ICOS: variants seen among roughly 807,000 people sequenced by gnomAD.
ICOS encodes inducible T cell costimulator, also known as inducible T-cell costimulator.
Under a neutral mutation model 24.6 loss-of-function variants are expected in ICOS, and 15 were observed. The observed-to-expected ratio is 0.61, with a 90% CI of 0.41 to 0.94. The LOEUF is 0.94. Among genes scored for constraint, ICOS ranks in the 40% least tolerant of loss-of-function variants. The pLI, the probability that ICOS is intolerant of heterozygous loss-of-function variation, is 0.00. For missense variants in ICOS, 200 were observed against 233.0 expected (o/e 0.86, Z 0.92); for synonymous variants, 89 against 77.5 (o/e 1.15, Z -0.78).
intron 1 of ICOS, among the ~76,000 whole-genome samples, chr2:203,949,614 A>G (rs1315289413): frequency 6.6e-6 from 1 of 152,234 alleles, no homozygotes; most frequent in Admixed American, 6.5e-5. Context: ...GTATGTTAGG[A>G]AGCATGAGGA....
At chr2:203,943,808 G>A (rs1422167314) in intron 1 of ICOS, among the ~76,000 whole-genome samples, 2 of 152,122 alleles carry the variant, frequency 1.3e-5, no homozygotes, top group Non-Finnish European at 2.9e-5. Flanking sequence ...CCTTGGGCAG[G>A]TCTTGCTGTG....
intron 1 of ICOS, among the ~76,000 whole-genome samples, chr2:203,937,632 GA>G (rs1216360723): frequency 6.6e-6 from 1 of 151,796 alleles, no homozygotes; most frequent in East Asian, 1.9e-4. Context: ...TCTTGAGGTT[GA>G]AAAAAGGAAA....
At chr2:203,942,856 T>C (rs1689802474) in intron 1 of ICOS, among the ~76,000 whole-genome samples, 1 of 152,228 alleles carries the variant, frequency 6.6e-6, no homozygotes, top group Admixed American at 6.5e-5. Context: ...TATCTTATTC[T>C]TTTTTCTTTG....
intron 1 of ICOS, among the ~76,000 whole-genome samples, chr2:203,947,246 A>T (rs1039327669): frequency 6.6e-6 from 1 of 152,154 alleles, no homozygotes; most frequent in Non-Finnish European, 1.5e-5. Flanking sequence ...CTTAATATAA[A>T]GATTTTTATT....
At position 203,959,626 on chromosome 2, in the gene ICOS, A is replaced by G. The variant is rs1168516328; in HGVS notation, c.*27A>G. 1.9e-6 allele frequency: 3 copies of G among 1,611,616 alleles called. No homozygotes were observed. In the East Asian group the frequency reaches 6.7e-5, roughly 36 times the overall value. On this transcript the variant is annotated 3_prime_UTR_variant, in exon 5 of 5. Coordinates refer to ENST00000316386, the MANE Select transcript of ICOS (RefSeq NM_012092.4). ...ATGGAACTCTGGCACCCAGGCATGA[A>G]GCACGTTGGCCAGTTTTCCTCAACT...
chr2:203,938,630 G>T (rs150075265), intron 1 of ICOS, among the ~76,000 whole-genome samples: 428 of 152,286 alleles, frequency 2.8e-3, no homozygotes, highest in Non-Finnish European at 4.6e-3. Flanking sequence ...ATTCAACTAG[G>T]CCAAACCAAT....
Position 203,957,796 on chromosome 2 carries a change from C to T in ICOS, c.502-3C>T, listed in dbSNP as rs1411052497. The stretch of plus-strand genomic sequence containing the variant: ...CAAGCATGTTTCTGGCTTTTTCTTT[C>T]AGAAGTATTCATCCAGTGTGCACGA... On this transcript the variant is annotated splice_region_variant and splice_polypyrimidine_tract_variant and intron_variant, in intron 3 of 4. Transcript: ENST00000316386. The T allele has an allele frequency of 6.2e-7, 1 of 1,608,388 alleles. No individual in the cohort carries two copies. The highest frequency in any genetic ancestry group is 1.7e-5 in the Admixed American group (1 of 60,004).
intron 3 of ICOS, 75 bp from the exon 4 acceptor site, chr2:203,957,724 G>C (rs1690101365): frequency 1.8e-6 from 2 of 1,122,172 alleles, no homozygotes; most frequent in Non-Finnish European, 2.7e-6. Context: ...CTTCAACAAA[G>C]AATAGAAAAC....
At chr2:203,941,905 G>A (rs1292725222) in intron 1 of ICOS, among the ~76,000 whole-genome samples, 1 of 152,018 alleles carries the variant, frequency 6.6e-6, no homozygotes, top group Non-Finnish European at 1.5e-5. Context: ...GTAAAGATTT[G>A]CAAGTTTAGA....
At position 203,936,863 on chromosome 2, in the gene ICOS, G is replaced by A. The variant is rs1022059218; in HGVS notation, c.49G>A (p.Val17Ile). The A allele has an allele frequency of 6.2e-7, 1 of 1,601,670 alleles. No individual in the cohort carries two copies. The highest frequency in any genetic ancestry group is 8.5e-7 in the Non-Finnish European group (1 of 1,169,606). The change falls in exon 1 of 5, where the codon GTT (valine) becomes ATT (isoleucine). Residue 17 changes from valine to isoleucine, a missense_variant. Physicochemically the swap from Val to Ile is conservative, Grantham distance 29. Transcript: ENST00000316386. The part of the protein sequence containing the change: ...YFFLFCLRIK[V>I]LTGEINGSAN... ...CTTTCTCTTCTGCTTGCGCATTAAA[G>A]TTTTAACAGGTAAGTGGTGTATTGA...
chr2:203,950,637 C>G (rs1689952771), intron 1 of ICOS, among the ~76,000 whole-genome samples: 1 of 152,196 alleles, frequency 6.6e-6, no homozygotes, highest in East Asian at 1.9e-4. Context: ...TTAGAGCTGT[C>G]AAGCGGTTTT....
Position 203,958,633 on chromosome 2 carries a change from G to A in ICOS, c.586+750G>A, listed in dbSNP as rs1016179546. Among the ~76,000 whole-genome samples, 7 of 152,234 alleles carry A rather than the reference G, an allele frequency of 4.6e-5. No individual in the cohort carries two copies. In the East Asian group the frequency reaches 9.7e-4, roughly 21 times the overall value. ...CCTCAGTGGCTACAGATTATCTAAAGGGGACACACATAGCTTGCGTTGTCA... is the reference window on the plus strand; with the variant it reads ...CCTCAGTGGCTACAGATTATCTAAAAGGGACACACATAGCTTGCGTTGTCA... On this transcript the variant is annotated intron_variant, in intron 4 of 4. Coordinates refer to ENST00000316386, the MANE Select transcript of ICOS (RefSeq NM_012092.4).
At chr2:203,943,179 G>C (rs920896818) in intron 1 of ICOS, among the ~76,000 whole-genome samples, 4 of 152,058 alleles carry the variant, frequency 2.6e-5, no homozygotes, top group Non-Finnish European at 4.4e-5. Flanking sequence ...TTCTTGGTTT[G>C]GATCCATTGC....
intron 1 of ICOS, among the ~76,000 whole-genome samples, chr2:203,953,359 C>A (rs1481317647): frequency 6.6e-6 from 1 of 152,142 alleles, no homozygotes; most frequent in Non-Finnish European, 1.5e-5. Flanking sequence ...TCCTTTGTGT[C>A]ATTCTTTAAT....
At chr2:203,943,538 A>G (rs908046313) in intron 1 of ICOS, among the ~76,000 whole-genome samples, 3 of 152,130 alleles carry the variant, frequency 2.0e-5, no homozygotes, top group Non-Finnish European at 2.9e-5. Context: ...CATGGATACC[A>G]GTGCTGTTCT....
intron 1 of ICOS, among the ~76,000 whole-genome samples, chr2:203,943,460 C>T (rs1689813503): frequency 1.3e-5 from 2 of 152,234 alleles, no homozygotes; most frequent in South Asian, 4.1e-4. Context: ...ATCTACCCGG[C>T]TCTGGGCTGG....
In ICOS at chr2:203,956,714, T is replaced by C; in HGVS notation, c.450T>C (p.Phe150=). The change falls in exon 3 of 5, where the codon TTT becomes TTC. Residue 150 remains phenylalanine (F), a synonymous_variant. Coordinates refer to ENST00000316386, the MANE Select transcript of ICOS (RefSeq NM_012092.4). ...GGTTACCCATAGGATGTGCAGCCTT[T>C]GTTGTAGTCTGCATTTTGGGATGCA... ...KFWLPIGCAA[F]VVVCILGCIL... is the part of the protein sequence containing the mutation. The C allele has an allele frequency of 2.5e-6, 4 of 1,613,582 alleles. No homozygotes were observed. The highest frequency in any genetic ancestry group is 3.4e-6 in the Non-Finnish European group (4 of 1,179,536).
intron 1 of ICOS, among the ~76,000 whole-genome samples, chr2:203,944,694 T>C (rs1422162712): frequency 6.6e-6 from 1 of 152,208 alleles, no homozygotes; most frequent in Non-Finnish European, 1.5e-5. Flanking sequence ...AGTCCTTATC[T>C]TTGTGGAGCT....
chr2:203,951,323 A>G (rs532743382), intron 1 of ICOS, among the ~76,000 whole-genome samples: 95 of 152,338 alleles, frequency 6.2e-4, no homozygotes, highest in African/African-American at 2.2e-3. Flanking sequence ...CCAACAGCAA[A>G]GAATTAGCTC....
Sources: allele counts gnomAD v4.1 joint callset (sites outside exome capture counted in the v4.1 genomes callset), GRCh38; gene constraint gnomAD v4.1.1; transcripts MANE v1.5; gene names NCBI Gene and HGNC (gene_info 2026-07-23, HGNC 2026-07-21).